RAP1GDS1: variants seen among roughly 807,000 people sequenced by gnomAD.
RAP1GDS1 encodes RAP1, GTP-GDP dissociation stimulator 1.
RAP1GDS1 carries 35 observed loss-of-function variants against 71.1 expected under a neutral mutation model. The observed-to-expected ratio is 0.49, with a 90% CI of 0.38 to 0.65. RAP1GDS1 has a LOEUF of 0.65. RAP1GDS1 is among the 30% of genes least tolerant of loss of function. The probability of loss-of-function intolerance (pLI) is 0.00; values close to 1 mark genes in which losing one functional copy is unlikely to be tolerated. For synonymous variants in RAP1GDS1, 229 were observed against 243.1 expected, an observed-to-expected ratio of 0.94 and a Z score of 0.54; for missense variants, 663 against 706.1, an observed-to-expected ratio of 0.94 and a Z score of 0.69.
intron 2 of RAP1GDS1, among the ~76,000 whole-genome samples, chr4:98,313,613 G>A (rs1730567485): frequency 6.6e-6 from 1 of 152,128 alleles, no homozygotes; most frequent in Non-Finnish European, 1.5e-5. Context: ...GGAGGCTGAG[G>A]CCAGGAGGAT....
intron 4 of RAP1GDS1, among the ~76,000 whole-genome samples, chr4:98,359,749 A>G (rs761010858): frequency 2.0e-5 from 3 of 152,218 alleles, no homozygotes; most frequent in Non-Finnish European, 4.4e-5. Flanking sequence ...TAACTTGAAG[A>G]AATTGATATT....
chr4:98,317,988 G>C (rs1408274303), intron 2 of RAP1GDS1, among the ~76,000 whole-genome samples: 3 of 151,614 alleles, frequency 2.0e-5, no homozygotes, highest in Admixed American at 1.3e-4. Flanking sequence ...AATTACAAGT[G>C]CACACCACCA....
At chr4:98,421,956 G>C (rs1041214755) in intron 12 of RAP1GDS1, among the ~76,000 whole-genome samples, 19 of 152,082 alleles carry the variant, frequency 1.2e-4, no homozygotes, top group Admixed American at 1.0e-3. Context: ...CCAGCACTTT[G>C]GGAGACTGAG....
chr4:98,418,402 T>C (rs751303624), intron 9 of RAP1GDS1, among the ~76,000 whole-genome samples: 4 of 152,212 alleles, frequency 2.6e-5, no homozygotes, highest in Non-Finnish European at 4.4e-5. Flanking sequence ...ACTTCTGATA[T>C]ATTATCTGGC....
chr4:98,333,128 A>G (rs1734228722), intron 2 of RAP1GDS1, among the ~76,000 whole-genome samples: 1 of 152,040 alleles, frequency 6.6e-6, no homozygotes, highest in South Asian at 2.1e-4. Context: ...AATTTTTTTA[A>G]TATCTCTCTT....
chr4:98,422,379 G>A (rs1749017940), intron 12 of RAP1GDS1, among the ~76,000 whole-genome samples: 1 of 151,874 alleles, frequency 6.6e-6, no homozygotes, highest in Non-Finnish European at 1.5e-5. Context: ...CACCACACTC[G>A]GCTAATTTTT....
chr4:98,430,989 A>G (rs1750315851), intron 12 of RAP1GDS1, among the ~76,000 whole-genome samples: 1 of 152,202 alleles, frequency 6.6e-6, no homozygotes, highest in African/African-American at 2.4e-5. Context: ...AGAGTGCCCT[A>G]GTCTAGGACT....
At chr4:98,420,714 T>C (rs749275353) in intron 11 of RAP1GDS1, among the ~76,000 whole-genome samples, 3 of 152,196 alleles carry the variant, frequency 2.0e-5, no homozygotes, top group Non-Finnish European at 4.4e-5. Context: ...TTAGTACTTA[T>C]AGTCCTGGTT....
chr4:98,291,071 CAA>C (rs776562468), intron 1 of RAP1GDS1, among the ~76,000 whole-genome samples: 2 of 151,978 alleles, frequency 1.3e-5, no homozygotes, highest in Admixed American at 1.3e-4. Flanking sequence ...AGATATCAAA[CAA>C]GAGGATTGAG....
intron 2 of RAP1GDS1, among the ~76,000 whole-genome samples, chr4:98,329,533 T>G (rs1054235088): frequency 6.6e-6 from 1 of 152,072 alleles, no homozygotes; most frequent in South Asian, 2.1e-4. Flanking sequence ...CTCATGCCTG[T>G]AATCCCAACA....
intron 5 of RAP1GDS1, among the ~76,000 whole-genome samples, chr4:98,385,142 A>G (rs899755258): frequency 1.3e-5 from 2 of 151,782 alleles, no homozygotes; most frequent in African/African-American, 4.8e-5. Flanking sequence ...CAAGATGTAT[A>G]TCACCATTAA....
chr4:98,320,469 G>A (rs12499009), intron 2 of RAP1GDS1, among the ~76,000 whole-genome samples: 19,859 of 151,494 alleles, frequency 0.13, 1,539 homozygotes, highest in African/African-American at 0.25. Context: ...GAACAGCTCC[G>A]GTCTACAGCT....
chr4:98,313,490 G>C (rs1439711904), intron 2 of RAP1GDS1, among the ~76,000 whole-genome samples: 1 of 152,196 alleles, frequency 6.6e-6, no homozygotes, highest in Non-Finnish European at 1.5e-5. Flanking sequence ...TTGTACAATA[G>C]TTATATGTTG....
chr4:98,324,369 G>C (rs996572458), intron 2 of RAP1GDS1, among the ~76,000 whole-genome samples: 22 of 152,104 alleles, frequency 1.4e-4, no homozygotes, highest in South Asian at 1.0e-3. Context: ...AGATTCAATG[G>C]CATCCCCATA....
intron 4 of RAP1GDS1, among the ~76,000 whole-genome samples, chr4:98,355,249 T>G (rs775175160): frequency 1.4e-4 from 22 of 152,192 alleles, no homozygotes; most frequent in Admixed American, 8.5e-4. Flanking sequence ...GCTTCATTTT[T>G]AAAAGGAGTA....
intron 3 of RAP1GDS1, among the ~76,000 whole-genome samples, chr4:98,346,748 G>C (rs185881761): frequency 2.6e-5 from 4 of 152,208 alleles, no homozygotes; most frequent in Non-Finnish European, 4.4e-5. Context: ...GTTTCACCAT[G>C]TTAGCCAGGC....
chr4:98,380,745 G>A (rs1362275253), intron 5 of RAP1GDS1, among the ~76,000 whole-genome samples: 1 of 151,686 alleles, frequency 6.6e-6, no homozygotes, highest in Non-Finnish European at 1.5e-5. Flanking sequence ...CTGCATTTGG[G>A]CTTGGACATT....
intron 4 of RAP1GDS1, among the ~76,000 whole-genome samples, chr4:98,358,267 A>G (rs1462779321): frequency 6.6e-6 from 1 of 152,034 alleles, no homozygotes; most frequent in Non-Finnish European, 1.5e-5. Context: ...CTGGCATTAT[A>G]GTGTACCTAG....
At chr4:98,412,123 A>G (rs1477210763) in intron 7 of RAP1GDS1, among the ~76,000 whole-genome samples, 1 of 152,218 alleles carries the variant, frequency 6.6e-6, no homozygotes, top group Admixed American at 6.5e-5. Context: ...TTCCTAAATG[A>G]TAAGCTGAAG....
Sources: gnomAD v4.1 joint callset for allele counts (sites outside exome capture counted in the v4.1 genomes callset) on GRCh38, gnomAD v4.1.1 for gene constraint, MANE v1.5 for transcripts, NCBI Gene and HGNC (gene_info 2026-07-23, HGNC 2026-07-21) for gene names.